RYR3: variants seen among roughly 807,000 people sequenced by gnomAD.
The protein encoded by RYR3 is ryanodine receptor 3, also known as brain ryanodine receptor-calcium release channel.
RYR3 carries 207 observed loss-of-function variants against 584.3 expected under a neutral mutation model. The ratio of observed to expected loss-of-function variants is 0.35; its 90% CI spans 0.32 to 0.40. RYR3 has a LOEUF of 0.40. Among genes scored for constraint, RYR3 ranks in the 10% least tolerant of loss-of-function variants. The pLI, the probability that RYR3 is intolerant of heterozygous loss-of-function variation, is 1.00. For synonymous variants in RYR3, 2,416 were observed against 2,248.5 expected (o/e 1.07, Z -2.11); for missense variants, 5,616 against 6,089.2 (o/e 0.92, Z 2.59).
chr15:33,588,588 A>G (rs1195644996), intron 16 of RYR3, among the ~76,000 whole-genome samples: 1 of 152,008 alleles, frequency 6.6e-6, no homozygotes, highest in African/African-American at 2.4e-5. Context: ...TCATTAAGCA[A>G]TTTCTCATCA....
intron 3 of RYR3, among the ~76,000 whole-genome samples, chr15:33,522,824 G>C (rs2054103562): frequency 6.6e-6 from 1 of 152,108 alleles, no homozygotes; most frequent in Non-Finnish European, 1.5e-5. Flanking sequence ...ATACTCATCT[G>C]TGCATGTGCC....
chr15:33,552,895 C>T (rs188738593), intron 10 of RYR3, among the ~76,000 whole-genome samples: 1 of 152,174 alleles, frequency 6.6e-6, no homozygotes, highest in Non-Finnish European at 1.5e-5. Context: ...TAAATGCATT[C>T]TCTGTGCTTC....
At chr15:33,684,473 C>G (rs1053655656) in intron 38 of RYR3, among the ~76,000 whole-genome samples, 5 of 152,012 alleles carry the variant, frequency 3.3e-5, no homozygotes, top group African/African-American at 1.2e-4. Context: ...ACATCCACAC[C>G]AAAACCCCAT....
intron 16 of RYR3, among the ~76,000 whole-genome samples, chr15:33,586,716 A>C (rs2058865943): frequency 6.6e-6 from 1 of 152,162 alleles, no homozygotes; most frequent in African/African-American, 2.4e-5. Context: ...ACTAAGTGGA[A>C]TGCTATATCA....
At chr15:33,863,952 G>A (rs1199640549) in intron 102 of RYR3, among the ~76,000 whole-genome samples, 186 bp from the exon 103 acceptor site, 1 of 152,136 alleles carries the variant, frequency 6.6e-6, no homozygotes. Context: ...GGCTAATTTT[G>A]AGATTCATGT....
In RYR3 at chr15:33,836,899, GT is replaced by G; in HGVS notation, c.11569-5del. On this transcript the variant is annotated splice_polypyrimidine_tract_variant and splice_region_variant and intron_variant, in intron 87 of 103. Transcript: ENST00000634891. The stretch of plus-strand genomic sequence containing the variant: ...TAGCTCAGGGGTATCTCCTGTTTCT[GT>G]TCTAGGATTCCAGTCAGATCGAGCT... The G allele has an allele frequency of 1.2e-6, 2 of 1,611,884 alleles. No homozygotes were observed. Among genetic ancestry groups the G allele is most frequent in the Non-Finnish European group, 1.7e-6 (2 of 1,178,774 alleles).
At chr15:33,568,439 C>G (rs2057833796) in intron 12 of RYR3, among the ~76,000 whole-genome samples, 1 of 151,768 alleles carries the variant, frequency 6.6e-6, no homozygotes, top group Non-Finnish European at 1.5e-5. Flanking sequence ...AAAATTCATC[C>G]TTTTAAATGT....
intron 2 of RYR3, among the ~76,000 whole-genome samples, chr15:33,483,284 T>C (rs2050136346): frequency 6.6e-6 from 1 of 152,176 alleles, no homozygotes; most frequent in Admixed American, 6.5e-5. Context: ...TTCAACGTCT[T>C]GAATGTCTGT....
In RYR3 at chr15:33,471,680, G is replaced by A. The variant is rs115111012; in HGVS notation, c.52-1739G>A. Among the ~76,000 whole-genome samples, 537 of 151,070 alleles carry A rather than the reference G, an allele frequency of 3.6e-3. 9 individuals are homozygous for A. Among genetic ancestry groups the A allele is most frequent in the African/African-American group, 0.013 (514 of 41,094 alleles). ...TTGTTGTTGCTTTAGTTTTTTGGGG[G>A]GTTTTAAGTTTTGTTTCTTTTTACT... On this transcript the variant is annotated intron_variant, in intron 1 of 103. Transcript: ENST00000634891.
intron 83 of RYR3, 59 bp downstream of exon 83, chr15:33,826,328 T>A: frequency 6.5e-7 from 1 of 1,541,006 alleles, no homozygotes; most frequent in African/African-American, 1.4e-5. Context: ...AGATCTCATT[T>A]AATTGCCTCA....
At chr15:33,857,378 T>TTC (rs2079800032) in intron 98 of RYR3, among the ~76,000 whole-genome samples, 1 of 151,564 alleles carries the variant, frequency 6.6e-6, no homozygotes, top group South Asian at 2.1e-4. Context: ...CCAACTCCTT[T>TTC]TCTTCTAAGG....
chr15:33,701,103 G>C, intron 42 of RYR3, 23 bp downstream of exon 42: 1 of 1,548,520 alleles, frequency 6.5e-7, no homozygotes, highest in Non-Finnish European at 8.9e-7. Context: ...TGGGGTGGCA[G>C]TGTGGTGTTC....
chr15:33,556,138 G>A (rs1014027954), intron 10 of RYR3, among the ~76,000 whole-genome samples: 1 of 152,224 alleles, frequency 6.6e-6, no homozygotes, highest in East Asian at 1.9e-4. Flanking sequence ...ACATTTCAGG[G>A]TGCCTACAGT....
At chr15:33,514,865 A>T (rs58810021) in intron 3 of RYR3, among the ~76,000 whole-genome samples, 3,719 of 152,062 alleles carry the variant, frequency 0.024, 162 homozygotes, top group African/African-American at 0.085. Flanking sequence ...TTAGCCAGGC[A>T]TGGTGGCGGG....
chr15:33,648,947 GCACTTTTC>G, intron 30 of RYR3, 117 bp from the exon 31 acceptor site: 1 of 815,802 alleles, frequency 1.2e-6, no homozygotes, highest in South Asian at 1.9e-5. Flanking sequence ...CTACTAGTGT[GCACTTTTC>G]CAGAAAAAAA....
intron 1 of RYR3, among the ~76,000 whole-genome samples, chr15:33,425,070 T>C (rs753120123): frequency 2.6e-5 from 4 of 152,238 alleles, no homozygotes; most frequent in Non-Finnish European, 5.9e-5. Context: ...TGTCCTTTCA[T>C]GTGGCCATAC....
rs753111350 is a variant in RYR3 at position 33,810,608 on chromosome 15, G to A, written c.10156G>A (p.Asp3386Asn). 6 of 1,613,890 alleles carry A rather than the reference G, an allele frequency of 3.7e-6. No homozygotes were observed. The Admixed American group carries it at 8.3e-5, about 22-fold the overall frequency. Residue 3386 changes from aspartate to asparagine, a missense_variant, in exon 71 of 104, where the codon GAC becomes AAC. Asp to Asn is a conservative substitution (Grantham distance 23). Coordinates refer to ENST00000634891, the MANE Select transcript of RYR3 (RefSeq NM_001036.6). Reference sequence around the variant, plus strand: ...TGGTTTGAATATGTGTACTCCAGGCGACCAGGAGCTGATCTCCCTCGCAAA... The same window carrying A: ...TGGTTTGAATATGTGTACTCCAGGCAACCAGGAGCTGATCTCCCTCGCAAA... ...PIGLNMCTPG[D>N]QELISLAKSR...
At chr15:33,705,184 A>C (rs1279975058) in intron 42 of RYR3, among the ~76,000 whole-genome samples, 2 of 151,142 alleles carry the variant, frequency 1.3e-5, no homozygotes, top group African/African-American at 4.9e-5. Context: ...TGCAATCTTG[A>C]AAACTCTGCC....
chr15:33,593,426 C>T (rs1039645884), intron 16 of RYR3, among the ~76,000 whole-genome samples: 4 of 151,948 alleles, frequency 2.6e-5, no homozygotes, highest in Admixed American at 6.6e-5. Flanking sequence ...GAACAGAAAA[C>T]AGTGGGGAGG....
Sources: allele counts gnomAD v4.1 joint callset (sites outside exome capture counted in the v4.1 genomes callset), GRCh38; gene constraint gnomAD v4.1.1; transcripts MANE v1.5; gene names NCBI Gene and HGNC (gene_info 2026-07-23, HGNC 2026-07-21).